Variants in ADAMTS9 observed in about 807,000 individuals in gnomAD.
ADAMTS9 encodes the protein A disintegrin and metalloproteinase with thrombospondin motifs 9.
Under a neutral mutation model 257.1 loss-of-function variants are expected in ADAMTS9, and 107 were observed. The ratio of observed to expected loss-of-function variants is 0.42; its 90% confidence interval spans 0.36 to 0.49. The LOEUF (loss-of-function observed/expected upper bound fraction) is 0.49. ADAMTS9 is among the 20% of genes least tolerant of loss of function. The probability of loss-of-function intolerance (pLI) is 0.03; values close to 1 mark genes in which losing one functional copy is unlikely to be tolerated. For synonymous variants in ADAMTS9, 982 were observed against 880.9 expected (o/e 1.11, Z -2.03); for missense variants, 2,353 against 2,469.1 (o/e 0.95, Z 1.00).
At chr3:64,597,300 C>T (rs1391584048) in intron 26 of ADAMTS9, among the ~76,000 whole-genome samples, 2 of 152,178 alleles carry the variant, frequency 1.3e-5, no homozygotes, top group Non-Finnish European at 2.9e-5. Flanking sequence ...ATCCCCTCTG[C>T]ATCTCTAAGA....
At chr3:64,650,301 A>AG in intron 9 of ADAMTS9, 1 of 152,786 alleles carries the variant, frequency 6.5e-6, no homozygotes, top group Non-Finnish European at 1.5e-5. Flanking sequence ...ACACCCGTTG[A>AG]GTTCTGATTG....
chr3:64,572,953 C>T (rs1338191259), intron 28 of ADAMTS9, among the ~76,000 whole-genome samples: 1 of 151,972 alleles, frequency 6.6e-6, no homozygotes, highest in Non-Finnish European at 1.5e-5. Flanking sequence ...TGGCATGCAC[C>T]TGTAGTTCCA....
chr3:64,599,542 C>T (rs2084420887), intron 26 of ADAMTS9, among the ~76,000 whole-genome samples: 1 of 152,186 alleles, frequency 6.6e-6, no homozygotes, highest in Non-Finnish European at 1.5e-5. Context: ...AAACATTCCT[C>T]CTCATGGCAG....
In ADAMTS9 at chr3:64,546,842, T is replaced by G; in HGVS notation, c.4980A>C (p.Pro1660=). Residue 1660 remains proline (P), a synonymous_variant, in exon 32 of 40, where the codon CCA becomes CCC. Transcript: ENST00000498707. ...EYSYQTTINC[P]GTQPPSVHPC... The stretch of plus-strand genomic sequence containing the variant: ...GGTGAACACTGGGGGGCTGCGTGCC[T>G]GGGCAGTTGATGGTGGTTTGGTAGC... The G allele has an allele frequency of 6.2e-7, 1 of 1,614,174 alleles. No individual in the cohort carries two copies. The highest frequency in any genetic ancestry group is 2.2e-5 in the East Asian group (1 of 44,880).
intron 27 of ADAMTS9, among the ~76,000 whole-genome samples, chr3:64,594,991 G>A (rs1353160963): frequency 1.3e-5 from 2 of 152,062 alleles, no homozygotes; most frequent in Admixed American, 6.6e-5. Flanking sequence ...GTTTCACCGT[G>A]TTAGCCAGGA....
chr3:64,644,929 C>A (rs544358888), intron 11 of ADAMTS9, among the ~76,000 whole-genome samples: 57 of 152,254 alleles, frequency 3.7e-4, no homozygotes, highest in African/African-American at 1.4e-3. Flanking sequence ...AAGAAAACTT[C>A]TAATTCAAAA....
intron 22 of ADAMTS9, among the ~76,000 whole-genome samples, chr3:64,611,301 T>TATTC (rs1437160957): frequency 6.6e-6 from 1 of 152,170 alleles, no homozygotes; most frequent in African/African-American, 2.4e-5. Flanking sequence ...TACAATGGAA[T>TATTC]ATTCTTTGGC....
intron 16 of ADAMTS9, among the ~76,000 whole-genome samples, chr3:64,626,898 G>A (rs1472847455): frequency 1.3e-5 from 2 of 152,110 alleles, no homozygotes; most frequent in Non-Finnish European, 2.9e-5. Context: ...TGCAGCGCGA[G>A]ACCCATCAGC....
At chr3:64,640,639 T>C (rs1270840867) in intron 12 of ADAMTS9, among the ~76,000 whole-genome samples, 1 of 152,208 alleles carries the variant, frequency 6.6e-6, no homozygotes, top group Admixed American at 6.5e-5. Context: ...ATTGTTCCTA[T>C]AGACTTCTTG....
At chr3:64,518,115 G>A (rs2082803565) in intron 39 of ADAMTS9, among the ~76,000 whole-genome samples, 1 of 152,190 alleles carries the variant, frequency 6.6e-6, no homozygotes, top group Admixed American at 6.5e-5. Flanking sequence ...GGACCATGGT[G>A]TAGGGGGCAA....
chr3:64,651,201 C>A (rs1265168732), intron 8 of ADAMTS9, 38 bp from the exon 9 acceptor site: 14 of 1,530,234 alleles, frequency 9.1e-6, no homozygotes, highest in Non-Finnish European at 1.0e-5. Context: ...TGTCAATAAA[C>A]ACCAAGGGAT....
At chr3:64,647,305 G>C (rs1360491334) in intron 11 of ADAMTS9, among the ~76,000 whole-genome samples, 1 of 151,992 alleles carries the variant, frequency 6.6e-6, no homozygotes, top group Admixed American at 6.6e-5. Context: ...ATGCACACTA[G>C]GTACAGAAGG....
intron 19 of ADAMTS9, among the ~76,000 whole-genome samples, 163 bp from the exon 20 acceptor site, chr3:64,616,333 A>C (rs1377194469): frequency 6.6e-6 from 1 of 152,234 alleles, no homozygotes; most frequent in Non-Finnish European, 1.5e-5. Context: ...ATTTTAAACC[A>C]ACATATCCAT....
Position 64,642,007 on chromosome 3 carries a change from G to C in ADAMTS9, c.1711-14C>G. 2 of 1,613,776 alleles carry C rather than the reference G, an allele frequency of 1.2e-6. No individual in the cohort carries two copies. The highest frequency in any genetic ancestry group is 1.7e-6 in the Non-Finnish European group (2 of 1,179,750). ...ATACTTGCAGTGCTGTATTTAATAAGGGGAATAGTGAGGGAGACTTGGCGC... is the reference window on the plus strand; with the variant it reads ...ATACTTGCAGTGCTGTATTTAATAACGGGAATAGTGAGGGAGACTTGGCGC... On this transcript the variant is annotated splice_polypyrimidine_tract_variant and intron_variant, in intron 11 of 39. Transcript: ENST00000498707.
intron 10 of ADAMTS9, 46 bp from the exon 11 acceptor site, chr3:64,648,090 T>A: frequency 1.3e-6 from 2 of 1,548,942 alleles, no homozygotes; most frequent in Non-Finnish European, 1.8e-6. Context: ...GTGATTTATT[T>A]GGCAGTATCA....
At chr3:64,527,112 A>C (rs1202222120) in intron 38 of ADAMTS9, among the ~76,000 whole-genome samples, 1 of 152,200 alleles carries the variant, frequency 6.6e-6, no homozygotes, top group East Asian at 1.9e-4. Context: ...CAAAAACCCA[A>C]TTGTCAAGCA....
chr3:64,527,141 A>C (rs2082920512), intron 38 of ADAMTS9, among the ~76,000 whole-genome samples: 2 of 152,190 alleles, frequency 1.3e-5, no homozygotes, highest in African/African-American at 4.8e-5. Context: ...CTATTTCAGA[A>C]AAGAAATATA....
intron 11 of ADAMTS9, among the ~76,000 whole-genome samples, chr3:64,647,631 G>A (rs1031025077): frequency 2.6e-5 from 4 of 152,092 alleles, no homozygotes; most frequent in East Asian, 1.9e-4. Flanking sequence ...ACACAATCTC[G>A]CATTAAATGT....
At chr3:64,519,771 G>T (rs774248768) in intron 39 of ADAMTS9, among the ~76,000 whole-genome samples, 32 of 151,906 alleles carry the variant, frequency 2.1e-4, no homozygotes, top group Admixed American at 1.8e-3. Flanking sequence ...AACCTACAAG[G>T]CATAAGACAT....
Sources: gnomAD v4.1 joint callset for allele counts (sites outside exome capture counted in the v4.1 genomes callset) on GRCh38, gnomAD v4.1.1 for gene constraint, MANE v1.5 for transcripts, NCBI Gene and HGNC (gene_info 2026-07-23, HGNC 2026-07-21) for gene names.